IL10RB: variants seen among roughly 807,000 people sequenced by gnomAD.
The protein encoded by IL10RB is interleukin-10 receptor subunit beta.
In IL10RB, 30 loss-of-function variants were observed where a neutral mutation model predicts 38.7. That is an observed-to-expected ratio of 0.78 (90% CI 0.58 to 1.05). IL10RB has a LOEUF of 1.05. Among genes scored for constraint, IL10RB ranks in the 50% least tolerant of loss-of-function variants. IL10RB has a pLI of 0.00. For missense variants in IL10RB, 328 were observed against 397.1 expected, an observed-to-expected ratio of 0.83 and a Z score of 1.48; for synonymous variants, 142 against 145.9, an observed-to-expected ratio of 0.97 and a Z score of 0.19.
chr21:33,288,384 C>T, intron 6 of IL10RB, 123 bp downstream of exon 6: 1 of 545,166 alleles, frequency 1.8e-6, no homozygotes, highest in Non-Finnish European at 3.3e-6. Context: ...CGCGCGCGCA[C>T]ACACACACAC....
At chr21:33,300,277 TA>T (rs2082982404), downstream of IL10RB, among the ~76,000 whole-genome samples, 1 of 152,018 alleles carries the variant, frequency 6.6e-6, no homozygotes, top group African/African-American at 2.4e-5. Context: ...CCGTCTCTAC[TA>T]AAAATACAAA....
At chr21:33,269,918 G>A (rs905627659) in intron 2 of IL10RB, among the ~76,000 whole-genome samples, 8 of 152,156 alleles carry the variant, frequency 5.3e-5, no homozygotes, top group Non-Finnish European at 7.4e-5. Context: ...TCGGCTTCCC[G>A]AAGTGCTGGG....
chr21:33,275,986 C>T (rs1026935716), intron 2 of IL10RB, among the ~76,000 whole-genome samples: 17 of 152,108 alleles, frequency 1.1e-4, no homozygotes, highest in African/African-American at 2.4e-5. Flanking sequence ...TGAAATATTG[C>T]GAGAATTACC....
At chr21:33,277,673 T>TTC (rs1989200888) in intron 3 of IL10RB, among the ~76,000 whole-genome samples, 10 of 139,694 alleles carry the variant, frequency 7.2e-5, no homozygotes, top group African/African-American at 2.7e-4. Flanking sequence ...TCTTTCTTTT[T>TTC]TTTTTTTTTT....
intron 2 of IL10RB, 28 bp downstream of exon 2, chr21:33,268,545 A>G: frequency 6.5e-7 from 1 of 1,539,022 alleles, no homozygotes; most frequent in Non-Finnish European, 9.0e-7. Context: ...ATTGGCAGGA[A>G]CGCACCGGAG....
At chr21:33,274,912 T>C (rs1181097840) in intron 2 of IL10RB, among the ~76,000 whole-genome samples, 1 of 152,220 alleles carries the variant, frequency 6.6e-6, no homozygotes, top group Admixed American at 6.5e-5. Flanking sequence ...CATTGACTTC[T>C]CCTCTGTAAC....
At chr21:33,309,282 G>A (rs1463488327) in exon 2 of IL10RB, 1 of 152,208 alleles carries the variant, frequency 6.6e-6, no homozygotes, top group Non-Finnish European at 1.5e-5. Flanking sequence ...TCCTAGGATT[G>A]ACAAATGAGG....
chr21:33,292,972 G>A (rs559829784), intron 6 of IL10RB, among the ~76,000 whole-genome samples: 65 of 152,230 alleles, frequency 4.3e-4, no homozygotes, highest in Non-Finnish European at 7.2e-4. Context: ...GGAACAGTCA[G>A]TATTCCTAGG....
intron 1 of IL10RB, chr21:33,267,973 G>A (rs1281548260): frequency 6.2e-6 from 2 of 320,258 alleles, no homozygotes; most frequent in African/African-American, 4.3e-5. Context: ...GCTCAAATGG[G>A]ACTCGTGAGT....
chr21:33,300,653 T>C (rs1202816018), downstream of IL10RB, among the ~76,000 whole-genome samples: 1 of 152,156 alleles, frequency 6.6e-6, no homozygotes, highest in African/African-American at 2.4e-5. Context: ...CTCTCCAAAA[T>C]TCGTATGTAG....
At chr21:33,283,758 A>G (rs1989321773) in intron 5 of IL10RB, among the ~76,000 whole-genome samples, 1 of 152,132 alleles carries the variant, frequency 6.6e-6, no homozygotes, top group Admixed American at 6.5e-5. Flanking sequence ...TTCACACACC[A>G]TATGGATCAC....
chr21:33,282,594 A>G (rs1189549360), intron 4 of IL10RB, among the ~76,000 whole-genome samples: 1 of 151,622 alleles, frequency 6.6e-6, no homozygotes, highest in Non-Finnish European at 1.5e-5. Context: ...TTTTTTCTTT[A>G]TTTCTGAGAC....
chr21:33,274,344 T>C (rs1354893549), intron 2 of IL10RB, among the ~76,000 whole-genome samples: 1 of 148,826 alleles, frequency 6.7e-6, no homozygotes, highest in African/African-American at 2.5e-5. Context: ...AATTTTTGTA[T>C]TTTTTTTTTA....
At chr21:33,270,588 A>G (rs1989058682) in intron 2 of IL10RB, among the ~76,000 whole-genome samples, 1 of 150,064 alleles carries the variant, frequency 6.7e-6, no homozygotes. Flanking sequence ...GTTACCCAGG[A>G]TGGTCTTGAT....
intron 3 of IL10RB, among the ~76,000 whole-genome samples, chr21:33,279,287 G>A (rs1989236733): frequency 1.3e-5 from 2 of 152,266 alleles, no homozygotes; most frequent in Admixed American, 6.5e-5. Context: ...TTTAGACATT[G>A]TTGGAAATAT....
At chr21:33,267,430 C>T (rs1988978599) in intron 1 of IL10RB, among the ~76,000 whole-genome samples, 1 of 149,788 alleles carries the variant, frequency 6.7e-6, no homozygotes, top group Non-Finnish European at 1.5e-5. Context: ...TAGTCTTCTA[C>T]TTTTCTACTT....
intron 1 of IL10RB, among the ~76,000 whole-genome samples, chr21:33,305,677 G>A (rs2082997289): frequency 6.6e-6 from 1 of 152,180 alleles, no homozygotes; most frequent in African/African-American, 2.4e-5. Context: ...ACCCTGGAGA[G>A]CACAGGGGTC....
chr21:33,294,638 A>G (rs2123603358), intron 6 of IL10RB, among the ~76,000 whole-genome samples: 1 of 152,166 alleles, frequency 6.6e-6, no homozygotes, highest in South Asian at 2.1e-4. Context: ...CAAGGGAAAA[A>G]TCCCTACAGG....
chr21:33,288,079 G>C (rs780042313), intron 5 of IL10RB, 25 bp from the exon 6 acceptor site: 1 of 1,612,898 alleles, frequency 6.2e-7, no homozygotes, highest in African/African-American at 1.3e-5. Flanking sequence ...TGACAAGAAT[G>C]TAACATGCCC....
Sources: allele counts gnomAD v4.1 joint callset (sites outside exome capture counted in the v4.1 genomes callset), GRCh38; gene constraint gnomAD v4.1.1; transcripts MANE v1.5; gene names NCBI Gene and HGNC (gene_info 2026-07-23, HGNC 2026-07-21).